Variants in THSD4 observed in about 807,000 individuals in gnomAD.
The protein encoded by THSD4 is thrombospondin type 1 domain containing 4.
THSD4 carries 69 observed loss-of-function variants against 119.0 expected under a neutral mutation model. That is an observed-to-expected ratio of 0.58 (90% confidence interval 0.48 to 0.71). The LOEUF (loss-of-function observed/expected upper bound fraction) is 0.71. THSD4 is among the 30% of genes least tolerant of loss of function. The pLI, the probability that THSD4 is intolerant of heterozygous loss-of-function variation, is 0.00. For missense variants in THSD4, 1,393 were observed against 1,391.1 expected, an observed-to-expected ratio of 1.00 and a Z score of -0.02; for synonymous variants, 524 against 540.4, an observed-to-expected ratio of 0.97 and a Z score of 0.42.
rs2053950375 is a variant in THSD4, at chr15:71,778,410, T to C, written c.*1036T>C. On this transcript the variant is annotated 3_prime_UTR_variant, in exon 18 of 18. Transcript: ENST00000261862. ...TGATTGCCTGAAATTCTTACTCCGT[T>C]CCAAGTGCTGTTCCTCCCAGGAAAT... The C allele has an allele frequency of 6.6e-6, 1 of 152,360 alleles. No homozygotes were observed. Among genetic ancestry groups the C allele is most frequent in the East Asian group, 1.9e-4 (1 of 5,196 alleles). 9.4% of individuals were successfully genotyped at this position (152,360 alleles called of 1,614,324 possible). A position where few individuals can be genotyped will look rare whatever the true frequency, so the allele number is the denominator to read the frequency against.
At chr15:71,317,948 A>G (rs910028751) in intron 6 of THSD4, among the ~76,000 whole-genome samples, 3 of 152,206 alleles carry the variant, frequency 2.0e-5, no homozygotes, top group African/African-American at 7.2e-5. Context: ...CTGAGTAAGT[A>G]TCAGTGTCCC....
intron 7 of THSD4, among the ~76,000 whole-genome samples, chr15:71,510,887 G>C (rs1228407961): frequency 6.6e-6 from 1 of 152,060 alleles, no homozygotes; most frequent in Non-Finnish European, 1.5e-5. Flanking sequence ...TATATGCTAG[G>C]CTCTTATATA....
chr15:71,560,636 G>A (rs2049097624), intron 7 of THSD4, among the ~76,000 whole-genome samples: 1 of 152,120 alleles, frequency 6.6e-6, no homozygotes, highest in South Asian at 2.1e-4. Context: ...TTCCATTTGT[G>A]TTATAAATAT....
intron 14 of THSD4, among the ~76,000 whole-genome samples, chr15:71,754,091 T>C (rs2053496131): frequency 6.8e-6 from 1 of 147,954 alleles, no homozygotes; most frequent in Non-Finnish European, 1.5e-5. Context: ...TTTTTTTTTT[T>C]TTTTTTTTGA....
intron 6 of THSD4, among the ~76,000 whole-genome samples, chr15:71,374,024 A>G (rs1392141435): frequency 6.6e-6 from 1 of 152,230 alleles, no homozygotes; most frequent in Non-Finnish European, 1.5e-5. Context: ...AAATAAGTCA[A>G]GAGGGTAGAC....
intron 6 of THSD4, chr15:71,341,412 T>G (rs577773342): frequency 6.2e-7 from 1 of 1,612,636 alleles, no homozygotes; most frequent in Admixed American, 1.7e-5. Flanking sequence ...AGTTCAGCAT[T>G]ACTCTCTGCG....
At chr15:71,502,484 G>A (rs1480840108) in intron 7 of THSD4, among the ~76,000 whole-genome samples, 3 of 152,122 alleles carry the variant, frequency 2.0e-5, no homozygotes, top group Non-Finnish European at 4.4e-5. Context: ...CAAATACTAA[G>A]CATGTTTTAA....
chr15:71,225,423 G>T (rs924342691), intron 4 of THSD4, among the ~76,000 whole-genome samples: 1 of 151,772 alleles, frequency 6.6e-6, no homozygotes, highest in South Asian at 2.1e-4. Flanking sequence ...GCTTTTTATT[G>T]ATGCATTATT....
intron 6 of THSD4, among the ~76,000 whole-genome samples, chr15:71,318,368 A>G (rs2045220205): frequency 1.3e-5 from 2 of 152,142 alleles, no homozygotes; most frequent in Admixed American, 1.3e-4. Context: ...AGGATGGAGC[A>G]TGGTTTGAAG....
At chr15:71,122,479 T>A (rs1224425646) in intron 1 of THSD4, among the ~76,000 whole-genome samples, 1 of 152,160 alleles carries the variant, frequency 6.6e-6, no homozygotes, top group African/African-American at 2.4e-5. Context: ...AGGAAAGGTC[T>A]CTCCCTGCTC....
intron 7 of THSD4, among the ~76,000 whole-genome samples, chr15:71,587,195 C>A (rs1232097769): frequency 1.5e-5 from 2 of 132,822 alleles, no homozygotes; most frequent in African/African-American, 2.8e-5. Flanking sequence ...CTAGTTCAAC[C>A]ATTGTGGAAG....
chr15:71,112,869 A>G (rs1245590841), upstream of THSD4, among the ~76,000 whole-genome samples: 1 of 152,266 alleles, frequency 6.6e-6, no homozygotes, highest in South Asian at 2.1e-4. Context: ...CACATAATGT[A>G]AATATCTCTT....
chr15:71,126,483 G>C (rs2040457791), intron 1 of THSD4, among the ~76,000 whole-genome samples: 1 of 152,172 alleles, frequency 6.6e-6, no homozygotes, highest in Non-Finnish European at 1.5e-5. Context: ...AGAAGCCAGG[G>C]AATAGGGAAA....
intron 8 of THSD4, among the ~76,000 whole-genome samples, chr15:71,683,116 T>G (rs2051831135): frequency 6.6e-6 from 1 of 151,798 alleles, no homozygotes; most frequent in Non-Finnish European, 1.5e-5. Flanking sequence ...GAGACAGGGT[T>G]TCACCATATT....
At chr15:71,121,210 T>C (rs1198636099) in intron 1 of THSD4, among the ~76,000 whole-genome samples, 1 of 152,166 alleles carries the variant, frequency 6.6e-6, no homozygotes, top group African/African-American at 2.4e-5. Flanking sequence ...AGGAGAGCAC[T>C]CTGGAGCCAG....
At chr15:71,678,807 G>T (rs751386702) in intron 8 of THSD4, among the ~76,000 whole-genome samples, 1 of 152,176 alleles carries the variant, frequency 6.6e-6, no homozygotes, top group African/African-American at 2.4e-5. Flanking sequence ...CACTCCTTCT[G>T]TCTGAATTCT....
intron 4 of THSD4, among the ~76,000 whole-genome samples, chr15:71,242,374 C>T (rs2044160217): frequency 6.6e-6 from 1 of 152,178 alleles, no homozygotes; most frequent in Non-Finnish European, 1.5e-5. Flanking sequence ...CCATAGTTTA[C>T]TGTTCTAATC....
chr15:71,508,540 C>G (rs1039405610), intron 7 of THSD4, among the ~76,000 whole-genome samples: 1 of 152,050 alleles, frequency 6.6e-6, no homozygotes, highest in African/African-American at 2.4e-5. Context: ...ATTACCAGCT[C>G]TGCAAAGGGC....
rs143711724 is a variant in THSD4, at chr15:71,691,863, G to A, written c.1357+31129G>A. ...GCAGCTGGACATGGCGAATACATGAGAGATTGGCATAGCGTATCCCCAGGG... is the reference window on the plus strand; with the variant it reads ...GCAGCTGGACATGGCGAATACATGAAAGATTGGCATAGCGTATCCCCAGGG... On this transcript the variant is annotated intron_variant, in intron 8 of 17. Coordinates refer to ENST00000261862, the MANE Select transcript of THSD4 (RefSeq NM_024817.3). 3.6e-3 allele frequency among the ~76,000 whole-genome samples: 542 copies of A among 152,302 alleles called. 2 individuals carry two copies. Among genetic ancestry groups the A allele is most frequent in the Non-Finnish European group, 6.4e-3 (432 of 68,030 alleles).
Sources: gnomAD v4.1 joint callset for allele counts (sites outside exome capture counted in the v4.1 genomes callset) on GRCh38, gnomAD v4.1.1 for gene constraint, MANE v1.5 for transcripts, NCBI Gene and HGNC (gene_info 2026-07-23, HGNC 2026-07-21) for gene names.